Variants in TRIM24 observed in about 807,000 individuals in gnomAD.
TRIM24 encodes transcription intermediary factor 1-alpha.
TRIM24 carries 29 observed loss-of-function variants against 123.9 expected under a neutral mutation model. That is an observed-to-expected ratio of 0.23 (90% CI 0.17 to 0.32). The LOEUF (loss-of-function observed/expected upper bound fraction) is 0.32. TRIM24 is among the 10% of genes least tolerant of loss of function. The pLI is 1.00. For synonymous variants in TRIM24, 456 were observed against 461.1 expected (o/e 0.99, Z 0.14); for missense variants, 932 against 1,295.3 (o/e 0.72, Z 4.31).
At chr7:138,473,060 A>G (rs1212560142) in intron 1 of TRIM24, among the ~76,000 whole-genome samples, 1 of 152,032 alleles carries the variant, frequency 6.6e-6, no homozygotes, top group Non-Finnish European at 1.5e-5. Context: ...CAGGCGGGTT[A>G]CCTGAGGTCA....
chr7:138,547,338 G>A (rs1440674062), intron 7 of TRIM24, among the ~76,000 whole-genome samples: 3 of 152,122 alleles, frequency 2.0e-5, no homozygotes, highest in Non-Finnish European at 2.9e-5. Flanking sequence ...ATGAGACCTA[G>A]AATTAATAAC....
At chr7:138,578,338 A>G (rs1386556406) in intron 14 of TRIM24, among the ~76,000 whole-genome samples, 2 of 152,206 alleles carry the variant, frequency 1.3e-5, no homozygotes, top group South Asian at 2.1e-4. Flanking sequence ...CTGTGATGCA[A>G]TCAGGATATA....
In TRIM24 at chr7:138,508,708, C is replaced by CGTGTGTGCGTGCGTGT. The variant is rs1796214549; in HGVS notation, c.483+4307_483+4308insCGTGCGTGTGTGTGTG. Among the ~76,000 whole-genome samples the CGTGTGTGCGTGCGTGT allele has an allele frequency of 3.4e-3, 462 of 136,256 alleles. 6 individuals carry two copies. Among genetic ancestry groups the CGTGTGTGCGTGCGTGT allele is most frequent in the African/African-American group, 0.012 (448 of 37,358 alleles). The allele number at this position is 136,256 out of a possible 152,430, so 89.4% of individuals were successfully genotyped here. On this transcript the variant is annotated intron_variant, in intron 2 of 18. Coordinates refer to ENST00000343526, the MANE Select transcript of TRIM24 (RefSeq NM_015905.3). ...GTGTGTGTGTGCGCGCGCGTGTGTG[C>CGTGTGTGCGTGCGTGT]GTGTGTGTGTGCGTGTGTGTGTGTG...
At chr7:138,510,743 T>A (rs1796268973) in intron 2 of TRIM24, among the ~76,000 whole-genome samples, 1 of 152,214 alleles carries the variant, frequency 6.6e-6, no homozygotes, top group Non-Finnish European at 1.5e-5. Flanking sequence ...GTTTTAAAGT[T>A]ACCTGAAACA....
intron 17 of TRIM24, among the ~76,000 whole-genome samples, chr7:138,583,296 A>T (rs1417472866): frequency 6.6e-6 from 1 of 152,240 alleles, no homozygotes; most frequent in East Asian, 1.9e-4. Flanking sequence ...GATGATTAAG[A>T]GGAAATATGT....
Position 138,498,208 on chromosome 7 carries a change from A to C in TRIM24, c.365-6082A>C, listed in dbSNP as rs564690139. Among the ~76,000 whole-genome samples the C allele has an allele frequency of 4.0e-4, 60 of 151,582 alleles. No individual in the cohort carries two copies. In the South Asian group the frequency reaches 0.012, roughly 31 times the overall value. On this transcript the variant is annotated intron_variant, in intron 1 of 18. Transcript: ENST00000343526. ...CAATCACATGCCACCACTCCTGGCT[A>C]ATTTTTGTTTTTATTTTATTTTTTA...
chr7:138,508,706 T>TGCGC (rs1554436677), intron 2 of TRIM24, among the ~76,000 whole-genome samples: 3 of 26,944 alleles, frequency 1.1e-4, no homozygotes, highest in African/African-American at 3.7e-4. Flanking sequence ...CGCGCGTGTG[T>TGCGC]GCGTGTGTGT....
intron 7 of TRIM24, among the ~76,000 whole-genome samples, chr7:138,543,264 G>T (rs895804737): frequency 6.6e-6 from 1 of 152,192 alleles, no homozygotes; most frequent in Admixed American, 6.5e-5. Flanking sequence ...AATAGGAGCA[G>T]TGAATCATAT....
rs998998685 is a variant in TRIM24, at chr7:138,563,080, C to T, written c.1531-4401C>T. 1.3e-4 allele frequency among the ~76,000 whole-genome samples: 20 copies of T among 152,142 alleles called. 1 individual carries two copies. Among genetic ancestry groups the T allele is most frequent in the South Asian group, 4.1e-4 (2 of 4,822 alleles). ...GTTTTTGGATAGTGGTCCTATGGAT[C>T]GGGTTACTACCAGCTATTCAGCCCC... On this transcript the variant is annotated intron_variant, in intron 9 of 18. Transcript: ENST00000343526.
chr7:138,531,661 A>G (rs562748662), intron 6 of TRIM24, among the ~76,000 whole-genome samples: 6 of 152,342 alleles, frequency 3.9e-5, no homozygotes, highest in African/African-American at 1.4e-4. Context: ...TATTGTGAAT[A>G]GTGCCGTAAT....
intron 13 of TRIM24, among the ~76,000 whole-genome samples, chr7:138,577,080 T>C (rs1797776054): frequency 6.6e-6 from 1 of 152,238 alleles, no homozygotes; most frequent in South Asian, 2.1e-4. Flanking sequence ...TTCACTTTGC[T>C]ACTGACTAGA....
At chr7:138,577,627 T>C in intron 14 of TRIM24, 39 bp downstream of exon 14, 1 of 1,470,598 alleles carries the variant, frequency 6.8e-7, no homozygotes, top group Admixed American at 2.3e-5. Flanking sequence ...CTATGCATGG[T>C]GGGTAGGGTG....
At chr7:138,573,457 T>C in intron 11 of TRIM24, 50 bp from the exon 12 acceptor site, 1 of 1,488,754 alleles carries the variant, frequency 6.7e-7, no homozygotes, top group African/African-American at 1.4e-5. Context: ...TAAAAGTAGC[T>C]TTTAACTTGC....
intron 1 of TRIM24, among the ~76,000 whole-genome samples, chr7:138,462,676 G>C (rs1795029172): frequency 6.6e-6 from 1 of 151,956 alleles, no homozygotes; most frequent in Non-Finnish European, 1.5e-5. Context: ...TGCTGTTCCT[G>C]TGAGTAAAAA....
chr7:138,463,043 G>GTTTTTTTTTTTTTT (rs57719141), intron 1 of TRIM24, among the ~76,000 whole-genome samples: 4 of 60,136 alleles, frequency 6.7e-5, no homozygotes, highest in African/African-American at 7.3e-5. Flanking sequence ...CTAATTTTGT[G>GTTTTTTTTTTTTTT]TTTTTTTTTT....
chr7:138,476,839 C>T (rs151018058), intron 1 of TRIM24, among the ~76,000 whole-genome samples: 7 of 151,848 alleles, frequency 4.6e-5, no homozygotes, highest in East Asian at 3.9e-4. Flanking sequence ...TAAAGTGAGG[C>T]GTGCACAGTG....
At chr7:138,581,599 G>A in intron 16 of TRIM24, 98 bp from the exon 17 acceptor site, 1 of 1,016,268 alleles carries the variant, frequency 9.8e-7, no homozygotes, top group Non-Finnish European at 1.4e-6. Context: ...TTAATTTTTA[G>A]TCTGACACTT....
chr7:138,541,458 A>G (rs138177138), intron 7 of TRIM24, among the ~76,000 whole-genome samples: 15 of 152,228 alleles, frequency 9.9e-5, no homozygotes, highest in African/African-American at 3.4e-4. Context: ...AAAATCCTTT[A>G]TTTTCTGAGC....
At chr7:138,560,775 G>A (rs1189059840) in intron 9 of TRIM24, among the ~76,000 whole-genome samples, 1 of 152,216 alleles carries the variant, frequency 6.6e-6, no homozygotes, top group Non-Finnish European at 1.5e-5. Flanking sequence ...TGTCCAGTCT[G>A]TTTGGCACAC....
Sources: gnomAD v4.1 joint callset for allele counts (sites outside exome capture counted in the v4.1 genomes callset) on GRCh38, gnomAD v4.1.1 for gene constraint, MANE v1.5 for transcripts, NCBI Gene and HGNC (gene_info 2026-07-23, HGNC 2026-07-21) for gene names.